VWA8: variants seen among roughly 807,000 people sequenced by gnomAD.
VWA8 encodes von Willebrand factor A domain-containing protein 8.
In VWA8, 221 loss-of-function variants were observed where a neutral mutation model predicts 241.5. That is an observed-to-expected ratio of 0.91 (90% CI 0.82 to 1.02). The LOEUF is 1.02. Ranked by LOEUF, VWA8 falls within the 50% of genes least tolerant of loss-of-function variation. The pLI, the probability that VWA8 is intolerant of heterozygous loss-of-function variation, is 0.00. For missense variants in VWA8, 2,322 were observed against 2,328.7 expected (o/e 1.00, Z 0.06); for synonymous variants, 852 against 827.1 (o/e 1.03, Z -0.52).
chr13:41,658,449 C>T (rs756700702), intron 37 of VWA8, among the ~76,000 whole-genome samples: 6 of 152,228 alleles, frequency 3.9e-5, no homozygotes, highest in Non-Finnish European at 7.3e-5. Flanking sequence ...ATATCTCTCT[C>T]ACTAGCTTGA....
intron 2 of VWA8, among the ~76,000 whole-genome samples, chr13:41,936,468 G>C (rs962626895): frequency 6.6e-6 from 1 of 152,110 alleles, no homozygotes; most frequent in African/African-American, 2.4e-5. Context: ...CATTAAAAAT[G>C]TGATTTTTAA....
intron 37 of VWA8, among the ~76,000 whole-genome samples, chr13:41,618,495 T>A (rs1438526597): frequency 5.9e-5 from 9 of 152,142 alleles, no homozygotes; most frequent in African/African-American, 2.2e-4. Flanking sequence ...CCCATTTGTC[T>A]ATTTTGGCTT....
At chr13:41,713,487 T>C (rs1357829583) in intron 26 of VWA8, among the ~76,000 whole-genome samples, 1 of 152,102 alleles carries the variant, frequency 6.6e-6, no homozygotes, top group Non-Finnish European at 1.5e-5. Flanking sequence ...AAACACAAAA[T>C]GTAAAAAATT....
chr13:41,902,096 A>G (rs1049169941), intron 4 of VWA8, among the ~76,000 whole-genome samples: 2 of 151,578 alleles, frequency 1.3e-5, no homozygotes, highest in African/African-American at 2.4e-5. Context: ...TGATGTGGTT[A>G]TTTGTACTAG....
intron 5 of VWA8, among the ~76,000 whole-genome samples, chr13:41,888,398 C>T (rs1427616515): frequency 1.3e-5 from 2 of 152,142 alleles, no homozygotes; most frequent in African/African-American, 4.8e-5. Flanking sequence ...TGGCAGAAGC[C>T]CTGATTCTCT....
At chr13:41,838,940 A>G (rs879307285) in intron 12 of VWA8, among the ~76,000 whole-genome samples, 7 of 152,194 alleles carry the variant, frequency 4.6e-5, no homozygotes, top group Admixed American at 4.6e-4. Context: ...TATTGTGAAT[A>G]GTGCTGCAAT....
At chr13:41,685,634 A>G (rs1351589868) in intron 34 of VWA8, among the ~76,000 whole-genome samples, 2 of 152,212 alleles carry the variant, frequency 1.3e-5, no homozygotes, top group African/African-American at 2.4e-5. Context: ...GTCAATAATC[A>G]TAATTTTCAG....
chr13:41,712,498 G>A (rs954081506), intron 26 of VWA8, among the ~76,000 whole-genome samples: 2 of 152,160 alleles, frequency 1.3e-5, no homozygotes, highest in South Asian at 2.1e-4. Context: ...GTAATTAAAA[G>A]AATAGGCCTA....
intron 37 of VWA8, among the ~76,000 whole-genome samples, chr13:41,638,538 G>A (rs1329014157): frequency 6.6e-6 from 1 of 152,118 alleles, no homozygotes; most frequent in Admixed American, 6.5e-5. Context: ...TGAGAAGACT[G>A]GGTTTCAATG....
chr13:41,910,323 G>A (rs1239191482), intron 3 of VWA8, among the ~76,000 whole-genome samples: 1 of 152,064 alleles, frequency 6.6e-6, no homozygotes, highest in Non-Finnish European at 1.5e-5. Context: ...GCCGGGCACG[G>A]TGGCTGTAAT....
At chr13:41,957,986 A>G (rs1878424990) in intron 1 of VWA8, among the ~76,000 whole-genome samples, 1 of 152,196 alleles carries the variant, frequency 6.6e-6, no homozygotes, top group African/African-American at 2.4e-5. Context: ...TAAAAACACT[A>G]CAATAATCTT....
chr13:41,614,342 T>C (rs919344836), intron 38 of VWA8, among the ~76,000 whole-genome samples: 7 of 152,156 alleles, frequency 4.6e-5, no homozygotes, highest in African/African-American at 1.7e-4. Flanking sequence ...CCTATTCCTG[T>C]GGACTCGCAG....
intron 40 of VWA8, among the ~76,000 whole-genome samples, chr13:41,598,891 T>C (rs2044504879): frequency 6.6e-6 from 1 of 152,080 alleles, no homozygotes; most frequent in South Asian, 2.1e-4. Flanking sequence ...GCTTCTCTCT[T>C]TGTTAATTTT....
intron 40 of VWA8, among the ~76,000 whole-genome samples, chr13:41,599,293 C>T (rs1363642304): frequency 6.6e-6 from 1 of 152,062 alleles, no homozygotes; most frequent in African/African-American, 2.4e-5. Context: ...GTTTTCTTAT[C>T]TTTCCTTATT....
rs150721190 is a variant in VWA8 at position 41,685,391 on chromosome 13, C to T, written c.4132-149G>A. The stretch of plus-strand genomic sequence containing the variant: ...AAATTATTGGCTGGGTACAGTGGCT[C>T]ATGCCTGTAATCCCAGTACTTTGGG... On this transcript the variant is annotated intron_variant, in intron 34 of 44. Transcript: ENST00000379310. 954 of 803,172 alleles carry T rather than the reference C, an allele frequency of 1.2e-3. 11 individuals carry two copies. In the East Asian group the frequency reaches 0.025, roughly 21 times the overall value. 49.8% of individuals were successfully genotyped at this position (803,172 alleles called of 1,614,324 possible).
At chr13:41,715,840 T>C (rs1310484251) in intron 26 of VWA8, among the ~76,000 whole-genome samples, 2 of 152,054 alleles carry the variant, frequency 1.3e-5, no homozygotes, top group African/African-American at 4.8e-5. Flanking sequence ...ATAGCATCAA[T>C]TGTCTTGTTT....
intron 16 of VWA8, among the ~76,000 whole-genome samples, chr13:41,812,590 G>C (rs1870518962): frequency 6.6e-6 from 1 of 152,032 alleles, no homozygotes; most frequent in East Asian, 1.9e-4. Context: ...TTCCACCTAA[G>C]GTCATCTCCG....
intron 40 of VWA8, among the ~76,000 whole-genome samples, chr13:41,592,070 T>C (rs1380954865): frequency 1.3e-5 from 2 of 151,584 alleles, no homozygotes; most frequent in African/African-American, 4.9e-5. Flanking sequence ...CCAACCCAAA[T>C]GTCCAGCAAC....
chr13:41,956,215 T>C (rs1878347942), intron 1 of VWA8, among the ~76,000 whole-genome samples: 1 of 152,168 alleles, frequency 6.6e-6, no homozygotes, highest in African/African-American at 2.4e-5. Context: ...ACCCGCTAGA[T>C]GCCAGTAGCA....
Sources: gnomAD v4.1 joint callset for allele counts (sites outside exome capture counted in the v4.1 genomes callset) on GRCh38, gnomAD v4.1.1 for gene constraint, MANE v1.5 for transcripts, NCBI Gene and HGNC (gene_info 2026-07-23, HGNC 2026-07-21) for gene names.